Variants in GLCCI1 observed in about 807,000 individuals in gnomAD.
The protein encoded by GLCCI1 is glucocorticoid induced 1.
GLCCI1 carries 24 observed loss-of-function variants against 52.2 expected under a neutral mutation model. The ratio of observed to expected loss-of-function variants is 0.46; its 90% CI spans 0.33 to 0.65. GLCCI1 has a LOEUF of 0.65. Among genes scored for constraint, GLCCI1 ranks in the 30% least tolerant of loss-of-function variants. The probability of loss-of-function intolerance (pLI) is 0.02; values close to 1 mark genes in which losing one functional copy is unlikely to be tolerated. For missense variants in GLCCI1, 704 were observed against 701.5 expected (o/e 1.00, Z -0.04); for synonymous variants, 310 against 276.5 (o/e 1.12, Z -1.20).
chr7:7,983,830 C>T (rs546774554), intron 1 of GLCCI1, among the ~76,000 whole-genome samples: 1 of 152,212 alleles, frequency 6.6e-6, no homozygotes, highest in South Asian at 2.1e-4. Flanking sequence ...CATTTAAGGC[C>T]TGTTATTCAG....
intron 2 of GLCCI1, among the ~76,000 whole-genome samples, chr7:8,017,730 CTT>C (rs561106180): frequency 1.3e-5 from 2 of 152,098 alleles, no homozygotes; most frequent in Non-Finnish European, 2.9e-5. Context: ...AAAATGCAGT[CTT>C]AACTTCCACA....
chr7:8,064,256 A>T (rs1291627278), intron 5 of GLCCI1, among the ~76,000 whole-genome samples: 1 of 152,132 alleles, frequency 6.6e-6, no homozygotes, highest in African/African-American at 2.4e-5. Flanking sequence ...TAAGTCTTTG[A>T]TCCATCTTGA....
chr7:8,072,491 G>A (rs1053549918), intron 6 of GLCCI1, among the ~76,000 whole-genome samples: 10 of 152,120 alleles, frequency 6.6e-5, no homozygotes, highest in Non-Finnish European at 1.0e-4. Context: ...GTCAGACTAG[G>A]AAATTTTCAT....
chr7:8,081,121 A>G (rs1274164994), intron 6 of GLCCI1, among the ~76,000 whole-genome samples: 1 of 152,104 alleles, frequency 6.6e-6, no homozygotes. Flanking sequence ...ACTCCAAATC[A>G]ATGTTCTTAA....
At chr7:8,062,931 T>C (rs913754517) in intron 5 of GLCCI1, among the ~76,000 whole-genome samples, 2 of 152,214 alleles carry the variant, frequency 1.3e-5, no homozygotes, top group African/African-American at 4.8e-5. Flanking sequence ...CATGAACATA[T>C]GCGTGCATGT....
chr7:8,070,814 C>T (rs2127964511), intron 5 of GLCCI1, 107 bp from the exon 6 acceptor site: 1 of 924,534 alleles, frequency 1.1e-6, no homozygotes. Flanking sequence ...GAAGAATAAA[C>T]TGGGTCAGTA....
chr7:8,010,839 A>C (rs1437803682), intron 2 of GLCCI1, among the ~76,000 whole-genome samples: 2 of 152,208 alleles, frequency 1.3e-5, no homozygotes, highest in Admixed American at 6.5e-5. Context: ...AGATGGAATC[A>C]TACTTTATAT....
chr7:8,068,083 G>A (rs1239002614), intron 5 of GLCCI1, among the ~76,000 whole-genome samples: 1 of 152,132 alleles, frequency 6.6e-6, no homozygotes, highest in African/African-American at 2.4e-5. Flanking sequence ...TAGGCACGGT[G>A]GCTCATGCCT....
chr7:8,067,012 A>G (rs1401823014), intron 5 of GLCCI1, among the ~76,000 whole-genome samples: 1 of 152,160 alleles, frequency 6.6e-6, no homozygotes, highest in Non-Finnish European at 1.5e-5. Context: ...TTTTATGGAC[A>G]TCGAAGTCTC....
intron 5 of GLCCI1, among the ~76,000 whole-genome samples, chr7:8,061,488 A>G (rs1388824138): frequency 2.0e-5 from 3 of 152,126 alleles, no homozygotes; most frequent in African/African-American, 4.8e-5. Context: ...TTGCTAGGTC[A>G]TAGCATTTGT....
At chr7:8,071,477 G>C (rs549966789) in intron 6 of GLCCI1, among the ~76,000 whole-genome samples, 2 of 152,238 alleles carry the variant, frequency 1.3e-5, no homozygotes, top group African/African-American at 4.8e-5. Flanking sequence ...GTAAAATCAA[G>C]CTTAAAGTTA....
chr7:7,990,477 A>T (rs1368973585), intron 1 of GLCCI1, among the ~76,000 whole-genome samples: 1 of 152,074 alleles, frequency 6.6e-6, no homozygotes, highest in Non-Finnish European at 1.5e-5. Flanking sequence ...ACTTTGCCCT[A>T]CACTTGTTTA....
intron 1 of GLCCI1, among the ~76,000 whole-genome samples, chr7:7,983,920 G>A (rs1049095258): frequency 6.6e-6 from 1 of 152,218 alleles, no homozygotes; most frequent in African/African-American, 2.4e-5. Context: ...AGAGATAGGT[G>A]GGATAAAGAT....
In GLCCI1 at chr7:8,052,178, G is replaced by C. The variant is rs1159404990; in HGVS notation, c.697-3255G>C. On this transcript the variant is annotated intron_variant, in intron 3 of 7. Coordinates refer to ENST00000223145, the MANE Select transcript of GLCCI1 (RefSeq NM_138426.4). The stretch of plus-strand genomic sequence containing the variant: ...TTCTTTCAGGTAGCCTGAGTATTCT[G>C]CTAAGGCTACAGCTTGCTGAGTAGA... Among the ~76,000 whole-genome samples, 6 of 152,148 alleles carry C rather than the reference G, an allele frequency of 3.9e-5. No homozygotes were observed. The East Asian group carries it at 1.2e-3, about 29-fold the overall frequency.
Position 7,969,479 on chromosome 7 carries a change from G to A in GLCCI1, c.129G>A (p.Ala43=). Residue 43 remains alanine, a synonymous_variant, in exon 1 of 8, where the codon GCG becomes GCA. Coordinates refer to ENST00000223145, the MANE Select transcript of GLCCI1 (RefSeq NM_138426.4). This position sits in a 1 kb window ranked among gnomAD's most constrained non-coding sequence, Gnocchi z 4.9. ...AVAAAGSGNG[A]GGGGGVGCAP... ...CCGCCGCCGGGAGCGGGAACGGTGC[G>A]GGCGGCGGCGGCGGCGTGGGCTGCG... The A allele has an allele frequency of 9.7e-7, 1 of 1,031,760 alleles. No homozygotes were observed. The highest frequency in any genetic ancestry group is 1.2e-6 in the Non-Finnish European group (1 of 861,904). The allele number at this position is 1,031,760 out of a possible 1,614,324, so 63.9% of individuals were successfully genotyped here.
At chr7:8,006,802 A>C (rs1158608250) in intron 2 of GLCCI1, among the ~76,000 whole-genome samples, 1 of 152,170 alleles carries the variant, frequency 6.6e-6, no homozygotes, top group Non-Finnish European at 1.5e-5. Context: ...CATTAGGCCC[A>C]CCTCGTCTGA....
intron 2 of GLCCI1, among the ~76,000 whole-genome samples, chr7:8,011,096 G>C (rs962685077): frequency 2.6e-5 from 4 of 151,744 alleles, no homozygotes; most frequent in African/African-American, 9.7e-5. Context: ...TCCAGCCTGG[G>C]CAACAGAGTG....
At chr7:8,054,909 T>C (rs1233218759) in intron 3 of GLCCI1, among the ~76,000 whole-genome samples, 4 of 151,706 alleles carry the variant, frequency 2.6e-5, no homozygotes, top group Admixed American at 1.3e-4. Flanking sequence ...TACAGAGTAA[T>C]ATATATAGTA....
At chr7:8,012,432 C>CTTTTT (rs71014746) in intron 2 of GLCCI1, among the ~76,000 whole-genome samples, 721 of 70,364 alleles carry the variant, frequency 0.01, 91 homozygotes, top group Admixed American at 0.015. Flanking sequence ...CCTTTTTATT[C>CTTTTT]TTTTTTTTTT....
Sources: allele counts gnomAD v4.1 joint callset (sites outside exome capture counted in the v4.1 genomes callset), GRCh38; gene constraint gnomAD v4.1.1; non-coding constraint Gnocchi (gnomAD v3.1); transcripts MANE v1.5; gene names NCBI Gene and HGNC (gene_info 2026-07-23, HGNC 2026-07-21).